LOC728743: variants seen among roughly 807,000 people sequenced by gnomAD.
chr7:150,409,150 G>T, the LOC728743 span, among the ~76,000 whole-genome samples: 1 of 146,650 alleles, frequency 6.8e-6, no homozygotes, highest in Non-Finnish European at 1.5e-5. Flanking sequence ...AGGGAGGGGG[G>T]GTCCTGATAG....
chr7:150,407,308 A>T, the LOC728743 span, among the ~76,000 whole-genome samples: 2 of 152,154 alleles, frequency 1.3e-5, no homozygotes, highest in Non-Finnish European at 2.9e-5. Context: ...GTTGTGTCAC[A>T]CGGTGTTTAA....
the LOC728743 span, among the ~76,000 whole-genome samples, chr7:150,403,822 C>T: frequency 6.6e-6 from 1 of 152,190 alleles, no homozygotes; most frequent in Non-Finnish European, 1.5e-5. The surrounding 1 kb of genome is among the most constrained non-coding windows in gnomAD (Gnocchi z 5.1). Flanking sequence ...AGTGGATTCT[C>T]CAGAGGCCAC....
the LOC728743 span, chr7:150,408,055 C>T: frequency 2.6e-6 from 1 of 389,190 alleles, no homozygotes; most frequent in Middle Eastern, 6.2e-4. Flanking sequence ...CCCACGCGCG[C>T]ATGCCCGCGC....
chr7:150,409,049 G>A, the LOC728743 span, among the ~76,000 whole-genome samples: 11 of 151,190 alleles, frequency 7.3e-5, no homozygotes, highest in South Asian at 4.2e-4. Context: ...GTTTCTCTTC[G>A]TCACCCAGGG....
At chr7:150,407,265 C>T in the LOC728743 span, among the ~76,000 whole-genome samples, 2 of 152,114 alleles carry the variant, frequency 1.3e-5, no homozygotes, top group South Asian at 4.2e-4. Flanking sequence ...GCATGACTGA[C>T]CCTCGTGCAG....
At chr7:150,401,713 T>C in the LOC728743 span, among the ~76,000 whole-genome samples, 1 of 152,184 alleles carries the variant, frequency 6.6e-6, no homozygotes, top group African/African-American at 2.4e-5. Flanking sequence ...AGGGGACTTT[T>C]TGTGATGATG....
At chr7:150,405,016 A>T in the LOC728743 span, 1 of 152,198 alleles carries the variant, frequency 6.6e-6, no homozygotes, top group African/African-American at 2.4e-5. Context: ...GGATTAGGAA[A>T]ATAGGGATGG....
the LOC728743 span, among the ~76,000 whole-genome samples, chr7:150,401,163 A>G: frequency 6.6e-6 from 1 of 152,216 alleles, no homozygotes; most frequent in Non-Finnish European, 1.5e-5. Flanking sequence ...AACTGCCTGC[A>G]TCATCCTTGT....
chr7:150,409,155 T>G, the LOC728743 span, among the ~76,000 whole-genome samples: 1 of 137,936 alleles, frequency 7.2e-6, no homozygotes, highest in Non-Finnish European at 1.6e-5. Flanking sequence ...GGGGGGGTCC[T>G]GATAGTTCAG....
At chr7:150,411,924 CG>C in the LOC728743 span, 1 of 153,336 alleles carries the variant, frequency 6.5e-6, no homozygotes, top group Non-Finnish European at 1.5e-5. Context: ...TTCTGATCCA[CG>C]GGGCCCGGCT....
the LOC728743 span, chr7:150,407,797 G>C: frequency 2.5e-6 from 1 of 404,302 alleles, no homozygotes; most frequent in Non-Finnish European, 4.4e-6. Context: ...ACGCCGGAGC[G>C]GGCCGCGCGG....
At chr7:150,408,188 G>C in the LOC728743 span, 1 of 392,330 alleles carries the variant, frequency 2.5e-6, no homozygotes, top group Non-Finnish European at 4.5e-6. Context: ...CCACGGGCCC[G>C]AGGGCCAGGC....
At chr7:150,405,948 GGC>G in the LOC728743 span, 1 of 152,476 alleles carries the variant, frequency 6.6e-6, no homozygotes, top group Non-Finnish European at 1.5e-5. Flanking sequence ...AGAGACGGGG[GGC>G]CTTTCGGCGT....
chr7:150,407,069 G>T, the LOC728743 span, among the ~76,000 whole-genome samples: 1 of 152,200 alleles, frequency 6.6e-6, no homozygotes, highest in Non-Finnish European at 1.5e-5. Context: ...GATCTGGTTG[G>T]AGGGATAAGA....
chr7:150,403,795 G>GT, the LOC728743 span, among the ~76,000 whole-genome samples: 1 of 152,350 alleles, frequency 6.6e-6, no homozygotes, highest in East Asian at 1.9e-4. This position sits in a 1 kb window ranked among gnomAD's most constrained non-coding sequence, Gnocchi z 5.1. Flanking sequence ...AAGGGATGGG[G>GT]TGGGGGTTGG....
the LOC728743 span, chr7:150,408,550 G>T: frequency 4.6e-6 from 1 of 215,532 alleles, no homozygotes; most frequent in East Asian, 1.0e-4. Flanking sequence ...GGTGGAGTGC[G>T]TGGTGTTGAT....
chr7:150,411,859 T>C, the LOC728743 span: 1 of 152,802 alleles, frequency 6.5e-6, no homozygotes, highest in East Asian at 1.9e-4. Context: ...CCTCTGTGCC[T>C]TCCCCTATAC....
At chr7:150,407,750 T>C in the LOC728743 span, 3 of 399,850 alleles carry the variant, frequency 7.5e-6, no homozygotes, top group African/African-American at 4.1e-5. Context: ...CCAGACCTTC[T>C]CGCAGCAGCC....
the LOC728743 span, among the ~76,000 whole-genome samples, chr7:150,403,254 G>A: frequency 3.8e-3 from 583 of 152,274 alleles, 2 homozygotes; most frequent in Non-Finnish European, 6.4e-3. The surrounding 1 kb of genome is among the most constrained non-coding windows in gnomAD (Gnocchi z 5.1). Context: ...TCAAACCACC[G>A]TGGCAGAGCA....
Sources: gnomAD v4.1 joint callset for allele counts (sites outside exome capture counted in the v4.1 genomes callset) on GRCh38, gnomAD v4.1.1 for gene constraint, Gnocchi (gnomAD v3.1) non-coding constraint, MANE v1.5 for transcripts.